SESTD1: variants seen among roughly 807,000 people sequenced by gnomAD.
SESTD1 encodes the protein SEC14 domain and spectrin repeat-containing protein 1.
SESTD1 carries 43 observed loss-of-function variants against 101.7 expected under a neutral mutation model. That is an observed-to-expected ratio of 0.42 (90% CI 0.33 to 0.55). The LOEUF (loss-of-function observed/expected upper bound fraction) is 0.55. Ranked by LOEUF, SESTD1 falls within the 20% of genes least tolerant of loss-of-function variation. SESTD1 has a pLI of 0.07. For missense variants in SESTD1, 647 were observed against 815.1 expected (o/e 0.79, Z 2.51); for synonymous variants, 283 against 286.8 (o/e 0.99, Z 0.13).
chr2:179,109,565 T>A lies in SESTD1; in HGVS notation c.*334A>T, dbSNP rs1575415950. 2 of 396,706 alleles carry A rather than the reference T, an allele frequency of 5.0e-6. No homozygotes were observed. Among genetic ancestry groups the A allele is most frequent in the Admixed American group, 8.7e-5 (2 of 22,966 alleles). 24.6% of individuals were successfully genotyped at this position (396,706 alleles called of 1,614,324 possible). On this transcript the variant is annotated 3_prime_UTR_variant, in exon 18 of 18. Transcript: ENST00000428443. ...GGGCAACTTTTTTTTTTCTTTTTAA[T>A]AGAGAGAATTCCTACTCTTATTAGC...
chr2:179,183,052 AT>A, intron 3 of SESTD1, 27 bp downstream of exon 3: 1 of 1,452,368 alleles, frequency 6.9e-7, no homozygotes, highest in Non-Finnish European at 9.4e-7. Flanking sequence ...ACATACTGAG[AT>A]TTAAGAAAAG....
At chr2:179,195,102 C>T (rs1377276477) in intron 1 of SESTD1, among the ~76,000 whole-genome samples, 1 of 152,246 alleles carries the variant, frequency 6.6e-6, no homozygotes, top group African/African-American at 2.4e-5. Flanking sequence ...CCTAAGGACA[C>T]TTCTCCAAGT....
At chr2:179,236,350 A>G (rs1454602325) in intron 1 of SESTD1, among the ~76,000 whole-genome samples, 1 of 134,446 alleles carries the variant, frequency 7.4e-6, no homozygotes, top group South Asian at 2.5e-4. Flanking sequence ...AAAAAAAAAA[A>G]GCTGGGCATG....
At chr2:179,260,294 T>C (rs932460168) in intron 1 of SESTD1, among the ~76,000 whole-genome samples, 3 of 152,180 alleles carry the variant, frequency 2.0e-5, no homozygotes, top group Non-Finnish European at 4.4e-5. Context: ...CGTAGGCAGA[T>C]TGCTTGAGCT....
chr2:179,234,075 G>A (rs1384095415), intron 1 of SESTD1, among the ~76,000 whole-genome samples: 1 of 152,130 alleles, frequency 6.6e-6, no homozygotes, highest in African/African-American at 2.4e-5. Context: ...ATGCAGGTGG[G>A]CCTCATCAAA....
chr2:179,102,866 CTG>C lies in SESTD1; in HGVS notation c.*7031_*7032del, dbSNP rs1036893188. Reference sequence around the variant, plus strand: ...AAGCATAGCTATCCCCTATGCAAAACTGTGAGGTAGAATTTTTCCCACCCCGT... The same window carrying C: ...AAGCATAGCTATCCCCTATGCAAAACTGAGGTAGAATTTTTCCCACCCCGT... On this transcript the variant is annotated 3_prime_UTR_variant, in exon 18 of 18. Transcript: ENST00000428443. 2.4e-4 allele frequency: 37 copies of C among 152,068 alleles called. No individual in the cohort carries two copies. Among genetic ancestry groups the C allele is most frequent in the African/African-American group, 8.5e-4 (35 of 41,402 alleles). The allele number at this position is 152,068 out of a possible 1,614,324, so 9.4% of individuals were successfully genotyped here.
At chr2:179,237,982 A>G (rs1574058602) in intron 1 of SESTD1, among the ~76,000 whole-genome samples, 1 of 152,078 alleles carries the variant, frequency 6.6e-6, no homozygotes, top group Non-Finnish European at 1.5e-5. Context: ...CCAAAAACTC[A>G]GCTACTAAGA....
chr2:179,163,401 G>A (rs766511079), intron 5 of SESTD1, among the ~76,000 whole-genome samples: 11 of 151,944 alleles, frequency 7.2e-5, no homozygotes, highest in Admixed American at 1.3e-4. Flanking sequence ...ATATTTATGC[G>A]TACCATTAAA....
At chr2:179,149,658 GTTTC>G (rs1239768056) in intron 6 of SESTD1, among the ~76,000 whole-genome samples, 1 of 152,060 alleles carries the variant, frequency 6.6e-6, no homozygotes, top group Non-Finnish European at 1.5e-5. Context: ...TCAGATACGT[GTTTC>G]TTTGAGAAAC....
intron 5 of SESTD1, among the ~76,000 whole-genome samples, chr2:179,155,181 G>A (rs2045604896): frequency 6.6e-6 from 1 of 151,938 alleles, no homozygotes; most frequent in Non-Finnish European, 1.5e-5. Flanking sequence ...CTCCTAAAGT[G>A]CTAGGATTAC....
chr2:179,196,716 T>A (rs897218368), intron 1 of SESTD1, among the ~76,000 whole-genome samples: 2 of 152,022 alleles, frequency 1.3e-5, no homozygotes, highest in Admixed American at 6.6e-5. Context: ...CTCACACGGC[T>A]GGGTACTCCA....
chr2:179,246,867 G>A (rs1408710937), intron 1 of SESTD1, among the ~76,000 whole-genome samples: 5 of 152,226 alleles, frequency 3.3e-5, no homozygotes, highest in Admixed American at 3.3e-4. Context: ...GAAGGTGGCA[G>A]AGTGAAAGTA....
At chr2:179,121,664 A>T in intron 13 of SESTD1, 106 bp downstream of exon 13, 1 of 919,422 alleles carries the variant, frequency 1.1e-6, no homozygotes, top group Non-Finnish European at 1.5e-6. Context: ...CATGTCTTCT[A>T]TATAACAGTT....
chr2:179,152,743 T>G (rs2045554769), intron 5 of SESTD1, among the ~76,000 whole-genome samples: 1 of 152,096 alleles, frequency 6.6e-6, no homozygotes, highest in African/African-American at 2.4e-5. Context: ...TCTATCAAAT[T>G]TGAGTGTACA....
Position 179,106,353 on chromosome 2 carries a change from A to C in SESTD1, c.*3546T>G, listed in dbSNP as rs2044381848. The stretch of plus-strand genomic sequence containing the variant: ...CCTTGTGTACTTTGGGTAGGATGTG[A>C]GAAGGGGAGTAGTACATAATAATGC... On this transcript the variant is annotated 3_prime_UTR_variant, in exon 18 of 18. Coordinates refer to ENST00000428443, the MANE Select transcript of SESTD1 (RefSeq NM_178123.5). 6.6e-6 allele frequency: 1 copy of C among 152,150 alleles called. No homozygotes were observed. The highest frequency in any genetic ancestry group is 1.5e-5 in the Non-Finnish European group (1 of 68,018). 9.4% of individuals were successfully genotyped at this position (152,150 alleles called of 1,614,324 possible).
At chr2:179,236,188 C>T (rs902419040) in intron 1 of SESTD1, among the ~76,000 whole-genome samples, 1 of 151,806 alleles carries the variant, frequency 6.6e-6, no homozygotes, top group Non-Finnish European at 1.5e-5. Flanking sequence ...GCGTTTATTA[C>T]AATGAGTAAT....
intron 1 of SESTD1, among the ~76,000 whole-genome samples, chr2:179,194,327 C>T (rs1057190549): frequency 6.6e-6 from 1 of 152,142 alleles, no homozygotes; most frequent in Non-Finnish European, 1.5e-5. Flanking sequence ...TCTGCTGCTC[C>T]AGGACGTGGC....
chr2:179,109,547 T>A lies in SESTD1; in HGVS notation c.*352A>T. On this transcript the variant is annotated 3_prime_UTR_variant, in exon 18 of 18. Coordinates refer to ENST00000428443, the MANE Select transcript of SESTD1 (RefSeq NM_178123.5). ...AAATCACCTGTGGAGGAAGGGCAAC[T>A]TTTTTTTTTCTTTTTAATAGAGAGA... The A allele has an allele frequency of 2.8e-6, 1 of 351,574 alleles. No homozygotes were observed. The highest frequency in any genetic ancestry group is 4.1e-5 in the East Asian group (1 of 24,296). 21.8% of individuals were successfully genotyped at this position (351,574 alleles called of 1,614,324 possible).
intron 5 of SESTD1, among the ~76,000 whole-genome samples, chr2:179,158,554 T>C (rs1044648363): frequency 1.3e-5 from 2 of 152,188 alleles, no homozygotes; most frequent in Non-Finnish European, 2.9e-5. Flanking sequence ...AGATTCACCT[T>C]CTTTTATGAC....
Sources: gnomAD v4.1 joint callset for allele counts (sites outside exome capture counted in the v4.1 genomes callset) on GRCh38, gnomAD v4.1.1 for gene constraint, MANE v1.5 for transcripts, NCBI Gene and HGNC (gene_info 2026-07-23, HGNC 2026-07-21) for gene names.